Variants in RMST observed in about 807,000 individuals in gnomAD.
RMST encodes the protein rhabdomyosarcoma 2 associated transcript, also known as long intergenic non-protein coding RNA 54.
chr12:97,514,555 A>T (rs1308798649), intron 10 of RMST, among the ~76,000 whole-genome samples: 1 of 152,192 alleles, frequency 6.6e-6, no homozygotes, highest in Non-Finnish European at 1.5e-5. Flanking sequence ...TTCATTGGCC[A>T]ATCTTCTTTA....
intron 5 of RMST, among the ~76,000 whole-genome samples, chr12:97,469,141 A>T (rs983335163): frequency 1.4e-5 from 2 of 138,382 alleles, no homozygotes; most frequent in Admixed American, 7.3e-5. Context: ...AAGAGAAACC[A>T]GTGTGTGTGT....
At chr12:97,487,205 C>G (rs1280896990) in intron 5 of RMST, among the ~76,000 whole-genome samples, 1 of 152,146 alleles carries the variant, frequency 6.6e-6, no homozygotes, top group Non-Finnish European at 1.5e-5. Context: ...AATTCACATT[C>G]ATTTCTTTAA....
chr12:97,476,842 A>G (rs948788423), intron 5 of RMST, among the ~76,000 whole-genome samples: 2 of 152,196 alleles, frequency 1.3e-5, no homozygotes, highest in African/African-American at 2.4e-5. Flanking sequence ...AAATACTACT[A>G]AAGTCATAAA....
chr12:97,535,493 C>A (rs1244334605), intron 11 of RMST, among the ~76,000 whole-genome samples: 2 of 151,580 alleles, frequency 1.3e-5, no homozygotes, highest in East Asian at 1.9e-4. Flanking sequence ...TTCAGGTACT[C>A]CCCCCAATCC....
At chr12:97,554,354 G>A (rs1204782400) in intron 11 of RMST, among the ~76,000 whole-genome samples, 8 of 152,022 alleles carry the variant, frequency 5.3e-5, no homozygotes, top group African/African-American at 1.7e-4. Context: ...TTATGCAGAA[G>A]GTCCAAAATT....
intron 11 of RMST, among the ~76,000 whole-genome samples, chr12:97,541,728 AAG>A (rs1293182375): frequency 1.3e-4 from 19 of 142,632 alleles, no homozygotes; most frequent in Non-Finnish European, 1.9e-4. Flanking sequence ...TTTAAAAAAA[AAG>A]AAAAAGAAAA....
chr12:97,552,875 C>A lies in RMST; in HGVS notation n.1546-7662C>A, dbSNP rs373859416. On this transcript the variant is annotated intron_variant and non_coding_transcript_variant, in intron 11 of 13. Coordinates refer to ENST00000640149, the Ensembl canonical transcript of RMST. ...TTGCTTTCAGAATTGGAAGAAAGGT[C>A]TCCTCAAAGGAGTCCTGACAAGCAA... is the stretch of plus-strand genomic sequence containing the variant. 9.2e-5 allele frequency among the ~76,000 whole-genome samples: 14 copies of A among 152,268 alleles called. No homozygotes were observed. The East Asian group carries it at 2.5e-3, about 27-fold the overall frequency.
At chr12:97,524,075 C>CAAAAAAAAAAAAAAAAAAAAAAAA (rs537840796) in intron 10 of RMST, among the ~76,000 whole-genome samples, 5 of 56,126 alleles carry the variant, frequency 8.9e-5, no homozygotes, top group Admixed American at 2.3e-4. Context: ...GACTCTGTCT[C>CAAAAAAAAAAAAAAAAAAAAAAAA]AAAAAAAAAA....
chr12:97,507,809 A>C (rs1878863951), intron 10 of RMST, among the ~76,000 whole-genome samples: 1 of 152,154 alleles, frequency 6.6e-6, no homozygotes, highest in Non-Finnish European at 1.5e-5. Context: ...TTTTTTCTCA[A>C]CATCTAACCT....
intron 10 of RMST, among the ~76,000 whole-genome samples, chr12:97,527,069 T>C (rs117427114): frequency 4.0e-5 from 6 of 151,700 alleles, no homozygotes; most frequent in Non-Finnish European, 5.9e-5. Context: ...GAGAAGGGAG[T>C]TTCAGGTATT....
intron 10 of RMST, among the ~76,000 whole-genome samples, chr12:97,511,522 C>A (rs1209609009): frequency 6.6e-6 from 1 of 152,100 alleles, no homozygotes; most frequent in African/African-American, 2.4e-5. Context: ...TATTCTCTTT[C>A]AATTTTCTAA....
chr12:97,481,928 AC>A (rs1875338115), intron 5 of RMST, among the ~76,000 whole-genome samples: 1 of 152,186 alleles, frequency 6.6e-6, no homozygotes, highest in South Asian at 2.1e-4. Context: ...CCCTTGGCCA[AC>A]ACGAGCATGA....
chr12:97,556,902 AAAGCAG>A (rs1263891036), intron 11 of RMST, among the ~76,000 whole-genome samples: 1 of 151,620 alleles, frequency 6.6e-6, no homozygotes, highest in Non-Finnish European at 1.5e-5. Flanking sequence ...AAGGAGGTGA[AAAGCAG>A]ACATTTTAAT....
chr12:97,558,808 A>G (rs2136668527), intron 11 of RMST, among the ~76,000 whole-genome samples: 1 of 152,294 alleles, frequency 6.6e-6, no homozygotes, highest in African/African-American at 2.4e-5. Context: ...GTGTTGCCAC[A>G]GCATCACTTA....
intron 11 of RMST, among the ~76,000 whole-genome samples, chr12:97,538,075 T>A (rs966284386): frequency 6.6e-6 from 1 of 151,330 alleles, no homozygotes; most frequent in African/African-American, 2.4e-5. Context: ...TTTAATCAAA[T>A]CAAATAATAG....
intron 10 of RMST, among the ~76,000 whole-genome samples, chr12:97,515,819 A>G (rs1190779882): frequency 1.3e-5 from 2 of 152,106 alleles, no homozygotes; most frequent in African/African-American, 2.4e-5. Flanking sequence ...TTCTGAAAAT[A>G]TATGTTTATG....
intron 11 of RMST, among the ~76,000 whole-genome samples, chr12:97,549,141 T>C (rs1185942412): frequency 6.6e-6 from 1 of 152,196 alleles, no homozygotes; most frequent in East Asian, 1.9e-4. Flanking sequence ...TGCACATCAT[T>C]AGCATTCAAA....
At chr12:97,483,231 TCG>T (rs1875647584) in intron 5 of RMST, among the ~76,000 whole-genome samples, 1 of 152,174 alleles carries the variant, frequency 6.6e-6, no homozygotes, top group Non-Finnish European at 1.5e-5. Context: ...GGATGTGCTT[TCG>T]CTTAAGCCCA....
chr12:97,535,629 C>A (rs1457944332), intron 11 of RMST, among the ~76,000 whole-genome samples: 1 of 151,590 alleles, frequency 6.6e-6, no homozygotes, highest in Admixed American at 6.6e-5. Context: ...TGAAGCCTTT[C>A]CTTCACCAAA....
Sources: allele counts gnomAD v4.1 joint callset (sites outside exome capture counted in the v4.1 genomes callset), GRCh38; gene constraint gnomAD v4.1.1; transcripts MANE v1.5; gene names NCBI Gene and HGNC (gene_info 2026-07-23, HGNC 2026-07-21).